Variants in TOP3B observed in about 807,000 individuals in gnomAD.
The protein encoded by TOP3B is DNA topoisomerase 3-beta-1.
In TOP3B, 45 loss-of-function variants were observed where a neutral mutation model predicts 93.9. That is an observed-to-expected ratio of 0.48 (90% CI 0.38 to 0.61). The LOEUF (loss-of-function observed/expected upper bound fraction) is 0.61. Among genes scored for constraint, TOP3B ranks in the 20% least tolerant of loss-of-function variants. TOP3B has a pLI of 0.00. For missense variants in TOP3B, 750 were observed against 1,156.1 expected (o/e 0.65, Z 5.09); for synonymous variants, 357 against 472.6 (o/e 0.76, Z 3.17).
At position 21,970,962 on chromosome 22, in the gene TOP3B, C is replaced by T; in HGVS notation, c.385-556G>A. The T allele has an allele frequency of 8.2e-7, 1 of 1,222,776 alleles. No homozygotes were observed. The highest frequency in any genetic ancestry group is 1.1e-6 in the Non-Finnish European group (1 of 946,198). 75.7% of individuals were successfully genotyped at this position (1,222,776 alleles called of 1,614,324 possible). A position where few individuals can be genotyped will look rare whatever the true frequency, so the allele number is the denominator to read the frequency against. On this transcript the variant is annotated intron_variant, in intron 5 of 17. Coordinates refer to ENST00000357179, the MANE Select transcript of TOP3B (RefSeq NM_001282112.2). The surrounding 1 kb of genome is among the most constrained non-coding windows in gnomAD (Gnocchi z 4.4). ...GCTCGGGCTAAAGCACAGCAGGGGT[C>T]CTGGAGCCGAGACTCACTAGGAAGG...
chr22:21,981,135 G>A (rs1415555082), intron 1 of TOP3B, among the ~76,000 whole-genome samples: 2 of 152,230 alleles, frequency 1.3e-5, no homozygotes, highest in African/African-American at 2.4e-5. Context: ...GTCCTAAAAT[G>A]TTTCCTCAGA....
intron 8 of TOP3B, chr22:21,967,346 G>A: frequency 2.2e-6 from 1 of 444,586 alleles, no homozygotes; most frequent in East Asian, 4.0e-5. Flanking sequence ...GAGAGTGGAA[G>A]GGGTCCGACA....
intron 13 of TOP3B, 97 bp from the exon 14 acceptor site, chr22:21,960,546 G>A: frequency 6.5e-7 from 1 of 1,528,562 alleles, no homozygotes; most frequent in Non-Finnish European, 8.9e-7. Flanking sequence ...TGGTGCTCAG[G>A]CCCTCTCACT....
At position 21,970,118 on chromosome 22, in the gene TOP3B, G is replaced by T; in HGVS notation, c.581+92C>A. ...CTGTTGCTCATCCTGGCTCGAGGAG[G>T]CCTAGGGGCCCCGGAGGGGGACCAG... is the stretch of plus-strand genomic sequence containing the variant. On this transcript the variant is annotated intron_variant, in intron 6 of 17. Coordinates refer to ENST00000357179, the MANE Select transcript of TOP3B (RefSeq NM_001282112.2). The surrounding 1 kb of genome is among the most constrained non-coding windows in gnomAD (Gnocchi z 4.4). The T allele has an allele frequency of 1.1e-5, 16 of 1,469,734 alleles. No homozygotes were observed. Among genetic ancestry groups the T allele is most frequent in the Non-Finnish European group, 1.4e-5 (15 of 1,085,074 alleles). The allele number at this position is 1,469,734 out of a possible 1,614,324, so 91.0% of individuals were successfully genotyped here.
chr22:21,968,917 G>T, intron 6 of TOP3B, 142 bp from the exon 7 acceptor site: 1 of 812,986 alleles, frequency 1.2e-6, no homozygotes, highest in Non-Finnish European at 2.0e-6. Context: ...GCCAGTGGGA[G>T]CAGAGTGGGC....
chr22:21,963,439 C>T lies in TOP3B; in HGVS notation c.1204+484G>A. On this transcript the variant is annotated intron_variant, in intron 11 of 17. Coordinates refer to ENST00000357179, the MANE Select transcript of TOP3B (RefSeq NM_001282112.2). The surrounding 1 kb of genome is among the most constrained non-coding windows in gnomAD (Gnocchi z 4.8). ...GGCTCCCACCATCCTGCACAACCTCCTGTCCCTGCTTCTGGCGGGACTGCT... is the reference window on the plus strand; with the variant it reads ...GGCTCCCACCATCCTGCACAACCTCTTGTCCCTGCTTCTGGCGGGACTGCT... 5.7e-6 allele frequency: 1 copy of T among 176,874 alleles called. No homozygotes were observed. Among genetic ancestry groups the T allele is most frequent in the Admixed American group, 5.5e-5 (1 of 18,160 alleles). The allele number at this position is 176,874 out of a possible 1,614,324, so 11.0% of individuals were successfully genotyped here. A position where few individuals can be genotyped will look rare whatever the true frequency, so the allele number is the denominator to read the frequency against.
chr22:21,962,271 C>A (rs777313720), intron 13 of TOP3B, 158 bp downstream of exon 13: 2 of 1,584,212 alleles, frequency 1.3e-6, no homozygotes, highest in Non-Finnish European at 1.7e-6. Flanking sequence ...TGTGGACCTG[C>A]CTGGCTGGCC....
Position 21,970,889 on chromosome 22 carries a change from G to A in TOP3B, c.385-483C>T. On this transcript the variant is annotated intron_variant, in intron 5 of 17. Transcript: ENST00000357179. This position sits in a 1 kb window ranked among gnomAD's most constrained non-coding sequence, Gnocchi z 4.4. ...AAAAAGAATGAAGGGGAAAGGAAATGGGCAAGAGCAGGAAGGCCACGGGTG... is the reference window on the plus strand; with the variant it reads ...AAAAAGAATGAAGGGGAAAGGAAATAGGCAAGAGCAGGAAGGCCACGGGTG... 1.6e-6 allele frequency: 1 copy of A among 635,956 alleles called. No homozygotes were observed. Among genetic ancestry groups the A allele is most frequent in the South Asian group, 2.7e-5 (1 of 36,392 alleles). The allele number at this position is 635,956 out of a possible 1,614,324, so 39.4% of individuals were successfully genotyped here.
chr22:21,979,274 G>C (rs1308041696), intron 1 of TOP3B, among the ~76,000 whole-genome samples: 39 of 152,076 alleles, frequency 2.6e-4, no homozygotes, highest in Non-Finnish European at 1.3e-4. Flanking sequence ...GTGGGGTCCA[G>C]GAAGTGAGGC....
At position 21,957,264 on chromosome 22, in the gene TOP3B, C is replaced by T; in HGVS notation, c.2439G>A (p.Leu813=). The change falls in exon 18 of 18, where the codon CTG becomes CTA. Residue 813 remains leucine, a synonymous_variant. Transcript: ENST00000357179. The stretch of plus-strand genomic sequence containing the variant: ...TGGGGTGGCAGGAGGCCGCATGCTT[C>T]AGCTCCACCAGCTCCTGGAAGACGG... ...CDPVFQELVE[L]KHAASCHPMH... is the part of the protein sequence containing the mutation. 2 of 1,563,752 alleles carry T rather than the reference C, an allele frequency of 1.3e-6. No homozygotes were observed. Among genetic ancestry groups the T allele is most frequent in the South Asian group, 2.3e-5 (2 of 85,572 alleles).
chr22:21,978,914 T>C (rs894266977), intron 1 of TOP3B, among the ~76,000 whole-genome samples: 3 of 152,016 alleles, frequency 2.0e-5, no homozygotes, highest in African/African-American at 7.3e-5. Flanking sequence ...AAAGAGAAGC[T>C]GCGTGCCGGA....
Position 21,960,194 on chromosome 22 carries a change from G to A in TOP3B, c.1654+127C>T, listed in dbSNP as rs972686006. The stretch of plus-strand genomic sequence containing the variant: ...GCAGCACCCCTTCAGCGGGTGTTGA[G>A]GGAGTGTGTGTGGGGCTGGGGGATC... On this transcript the variant is annotated intron_variant, in intron 14 of 17. Transcript: ENST00000357179. 3.5e-6 allele frequency: 5 copies of A among 1,411,916 alleles called. No individual in the cohort carries two copies. The African/African-American group carries it at 7.0e-5, about 20-fold the overall frequency. 87.5% of individuals were successfully genotyped at this position (1,411,916 alleles called of 1,614,324 possible). A position where few individuals can be genotyped will look rare whatever the true frequency, so the allele number is the denominator to read the frequency against.
At chr22:21,960,525 C>T (rs2071129204) in intron 13 of TOP3B, 76 bp from the exon 14 acceptor site, 10 of 1,587,294 alleles carry the variant, frequency 6.3e-6, no homozygotes, top group South Asian at 1.1e-5. Flanking sequence ...TATCACCTGT[C>T]ACGGGGCCCC....
chr22:21,972,596 G>A lies in TOP3B; in HGVS notation c.309+16C>T. ...GGGAGCCCCGGTGTGCTCATGCCCA[G>A]GCCAGCCCCACGCACCTGCAGGAAC... On this transcript the variant is annotated intron_variant, in intron 4 of 17. Transcript: ENST00000357179. 6.3e-7 allele frequency: 1 copy of A among 1,592,710 alleles called. No homozygotes were observed. Among genetic ancestry groups the A allele is most frequent in the Non-Finnish European group, 8.6e-7 (1 of 1,168,070 alleles).
intron 10 of TOP3B, 63 bp from the exon 11 acceptor site, chr22:21,964,091 G>T (rs926235307): frequency 6.2e-6 from 10 of 1,605,388 alleles, no homozygotes; most frequent in Non-Finnish European, 8.5e-6. Context: ...GGGTTTGGCT[G>T]ACGTACCAGA....
In TOP3B at chr22:21,963,060, G is replaced by C. The variant is rs780900857; in HGVS notation, c.1205-167C>G. The C allele has an allele frequency of 1.3e-5, 10 of 788,692 alleles. No homozygotes were observed. In the South Asian group the frequency reaches 1.8e-4, roughly 14 times the overall value. The allele number at this position is 788,692 out of a possible 1,614,324, so 48.9% of individuals were successfully genotyped here. On this transcript the variant is annotated intron_variant, in intron 11 of 17. Coordinates refer to ENST00000357179, the MANE Select transcript of TOP3B (RefSeq NM_001282112.2). This position sits in a 1 kb window ranked among gnomAD's most constrained non-coding sequence, Gnocchi z 4.8. ...AAGAAAATGTGCAGGAAGGCCGGGC[G>C]TGGTGGCTCATGCCTGTAATCCTAG...
At chr22:21,972,319 A>G (rs2071672097) in intron 4 of TOP3B, 1 of 463,336 alleles carries the variant, frequency 2.2e-6, no homozygotes, top group Admixed American at 3.9e-5. Flanking sequence ...CTAATTTTCC[A>G]TAATCTGTAT....
chr22:21,959,879 G>T, intron 14 of TOP3B, 143 bp from the exon 15 acceptor site: 2 of 1,124,122 alleles, frequency 1.8e-6, no homozygotes, highest in Non-Finnish European at 2.5e-6. Flanking sequence ...CCAGTCCACA[G>T]CCTCAGATGG....
chr22:21,962,168 G>A (rs56138298), intron 13 of TOP3B: 228,467 of 1,404,644 alleles, frequency 0.16, 19,642 homozygotes, highest in Middle Eastern at 0.19. Flanking sequence ...GGCGTTAGTC[G>A]GTGTGTGCAC....
Sources: allele counts gnomAD v4.1 joint callset (sites outside exome capture counted in the v4.1 genomes callset), GRCh38; gene constraint gnomAD v4.1.1; non-coding constraint Gnocchi (gnomAD v3.1); transcripts MANE v1.5; gene names NCBI Gene and HGNC (gene_info 2026-07-23, HGNC 2026-07-21).